EMG1: variants seen among roughly 807,000 people sequenced by gnomAD.
EMG1 encodes the protein ribosomal RNA small subunit methyltransferase NEP1.
EMG1 carries 24 observed loss-of-function variants against 26.9 expected under a neutral mutation model. The observed-to-expected ratio is 0.89, with a 90% CI of 0.65 to 1.26. EMG1 has a LOEUF of 1.26. EMG1 is among the 50% of genes most tolerant of loss of function. EMG1 has a pLI of 0.00. For synonymous variants in EMG1, 140 were observed against 112.6 expected, an observed-to-expected ratio of 1.24 and a Z score of -1.54; for missense variants, 299 against 307.6, an observed-to-expected ratio of 0.97 and a Z score of 0.21.
chr12:6,987,730 C>G lies in EMG1; in HGVS notation c.*155-52C>G. The G allele has an allele frequency of 2.5e-6, 1 of 400,390 alleles. No homozygotes were observed. Among genetic ancestry groups the G allele is most frequent in the Non-Finnish European group, 4.4e-6 (1 of 226,136 alleles). The allele number at this position is 400,390 out of a possible 1,614,324, so 24.8% of individuals were successfully genotyped here. On this transcript the variant is annotated intron_variant and NMD_transcript_variant, in intron 6 of 7. Coordinates refer to the EMG1 transcript ENST00000261406. This position sits in a 1 kb window ranked among gnomAD's most constrained non-coding sequence, Gnocchi z 4.1. ...TTGGAATGCTCGAAATTAAAAAACA[C>G]CACACATATTACTCTGCCTCTTTAA...
intron 7 of EMG1, among the ~76,000 whole-genome samples, chr12:6,994,841 C>T (rs1332596141): frequency 1.3e-5 from 2 of 152,148 alleles, no homozygotes; most frequent in Admixed American, 6.5e-5. Context: ...TTTCTTTCAC[C>T]GAAGGCATTT....
At chr12:6,972,425 G>A (rs1946343804) in intron 1 of EMG1, among the ~76,000 whole-genome samples, 1 of 152,066 alleles carries the variant, frequency 6.6e-6, no homozygotes, top group Non-Finnish European at 1.5e-5. Context: ...ACTTTTTGGA[G>A]CCATATATCT....
downstream of EMG1, chr12:6,982,578 A>AT (rs1946481434): frequency 1.1e-6 from 1 of 871,902 alleles, no homozygotes; most frequent in Non-Finnish European, 1.9e-6. Context: ...GGGGTTAGAA[A>AT]TTAGGTCTGC....
chr12:6,979,170 A>G lies in EMG1; in HGVS notation c.*3361A>G, dbSNP rs782017166. The G allele has an allele frequency of 3.9e-5, 16 of 408,236 alleles. No homozygotes were observed. Among genetic ancestry groups the G allele is most frequent in the African/African-American group, 2.8e-4 (14 of 49,308 alleles). 25.3% of individuals were successfully genotyped at this position (408,236 alleles called of 1,614,324 possible). ...AGAGAAGAAAATAGGATGGAGAATCAGAAGCTGCTGTGCTCTGAGGGGTCA... is the reference window on the plus strand; with the variant it reads ...AGAGAAGAAAATAGGATGGAGAATCGGAAGCTGCTGTGCTCTGAGGGGTCA... On this transcript the variant is annotated 3_prime_UTR_variant, in exon 6 of 6. Transcript: ENST00000599672.
chr12:6,978,457 C>A lies in EMG1; in HGVS notation c.*2648C>A. 1 of 1,614,140 alleles carries A rather than the reference C, an allele frequency of 6.2e-7. No homozygotes were observed. The highest frequency in any genetic ancestry group is 8.5e-7 in the Non-Finnish European group (1 of 1,180,006). ...CACAGGCATCCCACTTTGCCTTGCC[C>A]TTTTCTTCAAAGCCATTGAAGCCCA... is the stretch of plus-strand genomic sequence containing the variant. On this transcript the variant is annotated 3_prime_UTR_variant, in exon 6 of 6. Coordinates refer to ENST00000599672, the MANE Select transcript of EMG1 (RefSeq NM_006331.8).
chr12:6,976,859 G>T lies in EMG1; in HGVS notation c.*1050G>T. ...AAAGGAGTGCTGTGAAAAGGGAGAC[G>T]AGTAGTTTCTGCACCAGTCCCGCAC... On this transcript the variant is annotated 3_prime_UTR_variant, in exon 6 of 6. Coordinates refer to ENST00000599672, the MANE Select transcript of EMG1 (RefSeq NM_006331.8). 3.3e-6 allele frequency: 1 copy of T among 303,908 alleles called. No individual in the cohort carries two copies. Among genetic ancestry groups the T allele is most frequent in the Non-Finnish European group, 6.3e-6 (1 of 159,550 alleles). The allele number at this position is 303,908 out of a possible 1,614,324, so 18.8% of individuals were successfully genotyped here.
At chr12:6,973,004 ATTTT>A (rs11462026) in intron 1 of EMG1, among the ~76,000 whole-genome samples, 1 of 137,598 alleles carries the variant, frequency 7.3e-6, no homozygotes, top group African/African-American at 2.7e-5. Context: ...CGCCTGGCTA[ATTTT>A]TTTTTTTTTT....
rs782643000 is a variant in EMG1, at chr12:6,975,241, C to T, written c.484C>T (p.Pro162Ser). 1 of 1,613,860 alleles carries T rather than the reference C, an allele frequency of 6.2e-7. No individual in the cohort carries two copies. Among genetic ancestry groups the T allele is most frequent in the East Asian group, 2.2e-5 (1 of 44,878 alleles). ...PQKLLKVIKNPVSDHFPVGCM... is the reference protein window; with the variant it reads ...PQKLLKVIKNSVSDHFPVGCM... Reference sequence around the variant, plus strand: ...TTTTTTACTTTAGGTAATTAAGAATCCAGTATCAGATCACTTTCCAGTTGG... The same window carrying T: ...TTTTTTACTTTAGGTAATTAAGAATTCAGTATCAGATCACTTTCCAGTTGG... The change falls in exon 5 of 6, where the codon CCA (proline) becomes TCA (serine). Residue 162 changes from proline to serine, a missense_variant. By Grantham distance (74) the Pro-to-Ser change is moderately conservative (BLOSUM62 -1). Transcript: ENST00000599672.
In EMG1 at chr12:6,975,882, T is replaced by A; in HGVS notation, c.*73T>A. 3.4e-6 allele frequency: 3 copies of A among 877,196 alleles called. No homozygotes were observed. The highest frequency in any genetic ancestry group is 5.7e-6 in the Non-Finnish European group (3 of 523,798). The allele number at this position is 877,196 out of a possible 1,614,324, so 54.3% of individuals were successfully genotyped here. On this transcript the variant is annotated 3_prime_UTR_variant, in exon 6 of 6. Coordinates refer to ENST00000599672, the MANE Select transcript of EMG1 (RefSeq NM_006331.8). ...TTTGACCCTGGTCTGAGCTGACTGCTGGAAGATGATCTTTCTGCACTGAGA... is the reference window on the plus strand; with the variant it reads ...TTTGACCCTGGTCTGAGCTGACTGCAGGAAGATGATCTTTCTGCACTGAGA...
chr12:6,987,036 C>A lies in EMG1; in HGVS notation c.*155-746C>A, dbSNP rs1450893655. On this transcript the variant is annotated intron_variant and NMD_transcript_variant, in intron 6 of 7. Coordinates refer to the EMG1 transcript ENST00000261406. The surrounding 1 kb of genome is among the most constrained non-coding windows in gnomAD (Gnocchi z 4.1). Reference sequence around the variant, plus strand: ...GCTGAGGCAGGAGAATTGCTTGAACCCAGGAGGCGGAGGTGGCAGTGAGCT... The same window carrying A: ...GCTGAGGCAGGAGAATTGCTTGAACACAGGAGGCGGAGGTGGCAGTGAGCT... Among the ~76,000 whole-genome samples the A allele has an allele frequency of 2.6e-5, 4 of 151,832 alleles. No individual in the cohort carries two copies. Among genetic ancestry groups the A allele is most frequent in the Non-Finnish European group, 5.9e-5 (4 of 67,998 alleles).
At position 6,978,647 on chromosome 12, in the gene EMG1, C is replaced by G; in HGVS notation, c.*2838C>G. 1 of 1,614,128 alleles carries G rather than the reference C, an allele frequency of 6.2e-7. No individual in the cohort carries two copies. The highest frequency in any genetic ancestry group is 8.5e-7 in the Non-Finnish European group (1 of 1,180,020). On this transcript the variant is annotated 3_prime_UTR_variant, in exon 6 of 6. Coordinates refer to ENST00000599672, the MANE Select transcript of EMG1 (RefSeq NM_006331.8). The stretch of plus-strand genomic sequence containing the variant: ...ACATATTTGTACAGCACAAACTTGC[C>G]CCAGATCAGCATGTACATGCAGCGG...
At position 6,977,852 on chromosome 12, in the gene EMG1, TC is replaced by T. The variant is rs1555153520; in HGVS notation, c.*2046del. ...GGATTGGATTGGAGTGCTGGTGGGT[TC>T]CCACGTGTAGCCCCCAGAGGGTACA... is the stretch of plus-strand genomic sequence containing the variant. On this transcript the variant is annotated 3_prime_UTR_variant, in exon 6 of 6. Coordinates refer to ENST00000599672, the MANE Select transcript of EMG1 (RefSeq NM_006331.8). This position sits in a 1 kb window ranked among gnomAD's most constrained non-coding sequence, Gnocchi z 4.5. 7.4e-7 allele frequency: 1 copy of T among 1,350,618 alleles called. No homozygotes were observed. Among genetic ancestry groups the T allele is most frequent in the African/African-American group, 1.4e-5 (1 of 69,462 alleles). 83.7% of individuals were successfully genotyped at this position (1,350,618 alleles called of 1,614,324 possible).
chr12:6,994,710 C>T (rs1337969981), intron 7 of EMG1, among the ~76,000 whole-genome samples: 4 of 152,190 alleles, frequency 2.6e-5, no homozygotes, highest in South Asian at 4.1e-4. Flanking sequence ...CCGCCTTGGC[C>T]TCCCAAAGTG....
chr12:6,984,577 T>A (rs1053878015), downstream of EMG1, among the ~76,000 whole-genome samples: 2 of 152,226 alleles, frequency 1.3e-5, no homozygotes, highest in African/African-American at 4.8e-5. Flanking sequence ...CTTTCTGCAA[T>A]TCTTGCTTTT....
chr12:6,975,481 C>A, intron 5 of EMG1, 103 bp downstream of exon 5: 2 of 1,292,878 alleles, frequency 1.5e-6, no homozygotes, highest in Non-Finnish European at 2.1e-6. Context: ...AGCTAGAAGA[C>A]ACATGACAGT....
downstream of EMG1, among the ~76,000 whole-genome samples, chr12:6,992,139 G>A (rs782637574): frequency 2.0e-5 from 3 of 152,130 alleles, no homozygotes; most frequent in East Asian, 1.9e-4. Context: ...GGGCGACAGA[G>A]TGAAACCCCA....
chr12:6,992,447 C>A (rs965325519), downstream of EMG1, among the ~76,000 whole-genome samples: 9 of 152,162 alleles, frequency 5.9e-5, no homozygotes, highest in African/African-American at 2.2e-4. Flanking sequence ...TTTGGTGTCA[C>A]CGTCCTGATT....
chr12:6,987,750 C>CT lies in EMG1; in HGVS notation c.*155-29dup. 1 of 400,710 alleles carries CT rather than the reference C, an allele frequency of 2.5e-6. No individual in the cohort carries two copies. The highest frequency in any genetic ancestry group is 4.4e-6 in the Non-Finnish European group (1 of 226,214). The allele number at this position is 400,710 out of a possible 1,614,324, so 24.8% of individuals were successfully genotyped here. A position where few individuals can be genotyped will look rare whatever the true frequency, so the allele number is the denominator to read the frequency against. On this transcript the variant is annotated intron_variant and NMD_transcript_variant, in intron 6 of 7. Coordinates refer to the EMG1 transcript ENST00000261406. This position sits in a 1 kb window ranked among gnomAD's most constrained non-coding sequence, Gnocchi z 4.1. The stretch of plus-strand genomic sequence containing the variant: ...AAACACCACACATATTACTCTGCCT[C>CT]TTTAAGTTGAATCTAATTTAACATT...
chr12:6,978,832 T>C lies in EMG1; in HGVS notation c.*3023T>C. 8.4e-7 allele frequency: 1 copy of C among 1,195,390 alleles called. No homozygotes were observed. The highest frequency in any genetic ancestry group is 1.2e-6 in the Non-Finnish European group (1 of 866,588). The allele number at this position is 1,195,390 out of a possible 1,614,324, so 74.0% of individuals were successfully genotyped here. A position where few individuals can be genotyped will look rare whatever the true frequency, so the allele number is the denominator to read the frequency against. On this transcript the variant is annotated 3_prime_UTR_variant, in exon 6 of 6. Transcript: ENST00000599672. ...AGATGCCCTCAATAGTCTGGCCTGA[T>C]TGCCTTCACAATAGGCAGAGAGGAA... is the stretch of plus-strand genomic sequence containing the variant.
Sources: gnomAD v4.1 joint callset for allele counts (sites outside exome capture counted in the v4.1 genomes callset) on GRCh38, gnomAD v4.1.1 for gene constraint, Gnocchi (gnomAD v3.1) non-coding constraint, MANE v1.5 for transcripts, NCBI Gene and HGNC (gene_info 2026-07-23, HGNC 2026-07-21) for gene names.